The following NFAT5 variants were observed in gnomAD, a reference collection of about 807,000 sequenced individuals.
NFAT5 encodes the protein nuclear factor of activated T cells 5.
A neutral mutation model predicts 166.5 loss-of-function variants in NFAT5; 31 were observed. The ratio of observed to expected loss-of-function variants is 0.19; its 90% CI spans 0.14 to 0.25. NFAT5 has a LOEUF of 0.25. Ranked by LOEUF, NFAT5 falls within the 10% of genes least tolerant of loss-of-function variation. The pLI, the probability that NFAT5 is intolerant of heterozygous loss-of-function variation, is 1.00. For synonymous variants in NFAT5, 612 were observed against 639.7 expected, an observed-to-expected ratio of 0.96 and a Z score of 0.65; for missense variants, 1,449 against 1,821.8, an observed-to-expected ratio of 0.80 and a Z score of 3.72.
chr16:69,587,866 A>G (rs184312472), intron 2 of NFAT5, among the ~76,000 whole-genome samples: 9 of 150,526 alleles, frequency 6.0e-5, no homozygotes, highest in African/African-American at 2.2e-4. Context: ...TAAAATGCAT[A>G]TTAGCTGTGC....
intron 3 of NFAT5, among the ~76,000 whole-genome samples, chr16:69,642,685 C>T (rs1010691747): frequency 3.0e-4 from 45 of 151,616 alleles, no homozygotes; most frequent in Non-Finnish European, 2.4e-4. Flanking sequence ...GACGTGGTGG[C>T]GGGTGCCTGT....
At chr16:69,616,940 C>CT (rs61025944) in intron 2 of NFAT5, among the ~76,000 whole-genome samples, 10,069 of 129,884 alleles carry the variant, frequency 0.078, 472 homozygotes, top group Middle Eastern at 0.12. Context: ...GTCCAAAGTT[C>CT]TTTTTTTTTT....
At chr16:69,686,674 G>T (rs1051985462) in intron 11 of NFAT5, among the ~76,000 whole-genome samples, 3 of 151,972 alleles carry the variant, frequency 2.0e-5, no homozygotes, top group African/African-American at 7.3e-5. Flanking sequence ...GACCAGCCTG[G>T]CCAACATGGT....
chr16:69,624,046 C>T (rs570651810), intron 2 of NFAT5, among the ~76,000 whole-genome samples: 43 of 151,590 alleles, frequency 2.8e-4, no homozygotes, highest in Admixed American at 1.0e-3. Context: ...CCACCGTGAC[C>T]GGCCGTCTAC....
In NFAT5 at chr16:69,703,943, G is replaced by C. The variant is rs2965757; in HGVS notation, c.*7592G>C. 14,060 of 152,454 alleles carry C rather than the reference G, an allele frequency of 0.092. 892 individuals carry two copies. The highest frequency in any genetic ancestry group is 0.33 in the East Asian group (1,717 of 5,178). 9.4% of individuals were successfully genotyped at this position (152,454 alleles called of 1,614,324 possible). Reference sequence around the variant, plus strand: ...TCTCTCTTCCAGAAGTCATTTGCCTGGTTTGAAATATTTTGTAGGGATTGC... The same window carrying C: ...TCTCTCTTCCAGAAGTCATTTGCCTCGTTTGAAATATTTTGTAGGGATTGC... On this transcript the variant is annotated 3_prime_UTR_variant, in exon 15 of 15. Transcript: ENST00000349945.
chr16:69,668,821 A>G (rs1293143027), intron 7 of NFAT5, among the ~76,000 whole-genome samples: 2 of 151,922 alleles, frequency 1.3e-5, no homozygotes, highest in Non-Finnish European at 2.9e-5. Context: ...TGGGATTACA[A>G]GCACCCACCA....
chr16:69,608,293 C>T (rs1044385963), intron 2 of NFAT5, among the ~76,000 whole-genome samples: 2 of 152,108 alleles, frequency 1.3e-5, no homozygotes, highest in Non-Finnish European at 2.9e-5. Flanking sequence ...TCCCCACATG[C>T]ATACATACAA....
intron 7 of NFAT5, among the ~76,000 whole-genome samples, chr16:69,669,597 C>T (rs1264501993): frequency 6.6e-6 from 1 of 152,034 alleles, no homozygotes; most frequent in Non-Finnish European, 1.5e-5. Context: ...CTGTATTTAA[C>T]AAAGACAGGA....
At chr16:69,584,338 A>G (rs2031897060) in intron 2 of NFAT5, among the ~76,000 whole-genome samples, 1 of 148,408 alleles carries the variant, frequency 6.7e-6, no homozygotes, top group South Asian at 2.1e-4. Context: ...TTTTTTTGAC[A>G]GAGTGTTACT....
rs2037812863 is a variant in NFAT5, at chr16:69,697,936, GTTC to G, written c.*1588_*1590del. On this transcript the variant is annotated 3_prime_UTR_variant, in exon 15 of 15. Coordinates refer to ENST00000349945, the MANE Select transcript of NFAT5 (RefSeq NM_138713.4). ...GTTAATTGTTGAAGGCTACTTTTCT[GTTC>G]TTTTTTTTTTTTTTTTTCTATCCTG... 1 of 111,388 alleles carries G rather than the reference GTTC, an allele frequency of 9.0e-6. No individual in the cohort carries two copies. Among genetic ancestry groups the G allele is most frequent in the South Asian group, 3.4e-4 (1 of 2,916 alleles). 6.9% of individuals were successfully genotyped at this position (111,388 alleles called of 1,614,324 possible).
rs766621568 is a variant in NFAT5, at chr16:69,684,950, C to T, written c.1754C>T (p.Ser585Phe). 1 of 1,610,508 alleles carries T rather than the reference C, an allele frequency of 6.2e-7. No homozygotes were observed. Among genetic ancestry groups the T allele is most frequent in the South Asian group, 1.1e-5 (1 of 90,398 alleles). ...KEISSPARPC[S>F]FEEAMKAMKT... is the part of the protein sequence containing the mutation. ...ATATCTAGTCCAGCAAGACCTTGCT[C>T]TTTTGAAGAGGCCATGAAAGGTACC... Residue 585 changes from serine to phenylalanine, a missense_variant, in exon 11 of 15, where the codon TCT becomes TTT. By Grantham distance (155) the Ser-to-Phe change is radical. This residue lies in a region of NFAT5 where 245 missense variants were observed against 366.6 expected (regional missense o/e 0.67). Transcript: ENST00000349945.
At chr16:69,613,174 A>G (rs2033783795) in intron 2 of NFAT5, among the ~76,000 whole-genome samples, 1 of 152,106 alleles carries the variant, frequency 6.6e-6, no homozygotes, top group Non-Finnish European at 1.5e-5. Context: ...CAGTGATCCA[A>G]TTTAGTTCAT....
At chr16:69,576,157 T>A (rs1341938992) in intron 2 of NFAT5, among the ~76,000 whole-genome samples, 1 of 151,306 alleles carries the variant, frequency 6.6e-6, no homozygotes, top group Non-Finnish European at 1.5e-5. Context: ...ACAAAAAAAT[T>A]AGCTGGGCGT....
At chr16:69,652,162 A>T (rs2035697164) in intron 4 of NFAT5, among the ~76,000 whole-genome samples, 1 of 152,114 alleles carries the variant, frequency 6.6e-6, no homozygotes, top group Non-Finnish European at 1.5e-5. Flanking sequence ...ATAACTAAAA[A>T]AAATAAGGGC....
intron 10 of NFAT5, among the ~76,000 whole-genome samples, chr16:69,680,118 AAAAG>A (rs1391752466): frequency 3.3e-5 from 5 of 151,774 alleles, no homozygotes; most frequent in Non-Finnish European, 7.4e-5. Flanking sequence ...ACTCCATCTC[AAAAG>A]AAAAAGGAAA....
At chr16:69,607,899 G>A (rs1192171027) in intron 2 of NFAT5, among the ~76,000 whole-genome samples, 2 of 151,826 alleles carry the variant, frequency 1.3e-5, no homozygotes, top group South Asian at 2.1e-4. Context: ...CCTTTCATGT[G>A]TTTGTTTTCC....
chr16:69,570,014 A>C (rs2016339645), intron 2 of NFAT5, among the ~76,000 whole-genome samples: 1 of 152,234 alleles, frequency 6.6e-6, no homozygotes, highest in South Asian at 2.1e-4. Context: ...ATAGAGTGTC[A>C]TAATCATAGA....
At chr16:69,576,428 T>C (rs1336581331) in intron 2 of NFAT5, among the ~76,000 whole-genome samples, 1 of 151,948 alleles carries the variant, frequency 6.6e-6, no homozygotes, top group Non-Finnish European at 1.5e-5. Context: ...CATAAAGTAA[T>C]GAGACAAATT....
intron 3 of NFAT5, among the ~76,000 whole-genome samples, chr16:69,632,823 A>C (rs537746608): frequency 1.3e-5 from 2 of 152,278 alleles, no homozygotes; most frequent in East Asian, 3.9e-4. Context: ...TTGTGAGTTG[A>C]TCTTGGTTAT....
Sources: gnomAD v4.1 joint callset for allele counts (sites outside exome capture counted in the v4.1 genomes callset) on GRCh38, gnomAD v4.1.1 for gene constraint, gnomAD v4.1.1 regional missense constraint, MANE v1.5 for transcripts, NCBI Gene and HGNC (gene_info 2026-07-23, HGNC 2026-07-21) for gene names.